The following DDX24 variants were observed in gnomAD, a reference collection of about 807,000 sequenced individuals.
DDX24 encodes the protein DEAD-box helicase 24.
Under a neutral mutation model 68.9 loss-of-function variants are expected in DDX24, and 24 were observed. The ratio of observed to expected loss-of-function variants is 0.35; its 90% CI spans 0.25 to 0.49. The LOEUF is 0.49. DDX24 is among the 20% of genes least tolerant of loss of function. The pLI, the probability that DDX24 is intolerant of heterozygous loss-of-function variation, is 0.99. For missense variants in DDX24, 989 were observed against 1,039.0 expected (o/e 0.95, Z 0.66); for synonymous variants, 395 against 385.2 (o/e 1.03, Z -0.30).
intron 6 of DDX24, 136 bp downstream of exon 6, chr14:94,057,686 T>C (rs1339825211): frequency 4.1e-6 from 3 of 736,076 alleles, no homozygotes; most frequent in East Asian, 5.8e-5. Context: ...GTGGGAGTAG[T>C]GGGCACTCGA....
rs1251640642 is a variant in DDX24 at position 94,053,079 on chromosome 14, A to G, written c.2227T>C (p.Phe743Leu). ...RQIEKSEYRN[F>L]QACLHNSWIE... ...CAAGAGTTGTGCAGGCAAGCCTGGA[A>G]GTTCCGATACTCAGATTTCTCAATC... Residue 743 changes from phenylalanine to leucine, a missense_variant, in exon 8 of 9, where the codon TTC becomes CTC. Physicochemically the swap from Phe to Leu is conservative, Grantham distance 22. Around this residue, in one of 3 missense-constraint regions of DDX24, gnomAD observed 691 missense variants for 760.0 expected, o/e 0.91. Coordinates refer to ENST00000621632, the MANE Select transcript of DDX24 (RefSeq NM_020414.4). 1 of 1,614,076 alleles carries G rather than the reference A, an allele frequency of 6.2e-7. No individual in the cohort carries two copies. The highest frequency in any genetic ancestry group is 8.5e-7 in the Non-Finnish European group (1 of 1,180,038).
chr14:94,053,173 C>G (rs924473424), intron 7 of DDX24, 46 bp from the exon 8 acceptor site: 1 of 1,611,920 alleles, frequency 6.2e-7, no homozygotes, highest in African/African-American at 1.3e-5. Flanking sequence ...AGAGTTCAGG[C>G]CTCTGGGAAG....
At chr14:94,053,841 AAAAT>A (rs1457437985) in intron 7 of DDX24, among the ~76,000 whole-genome samples, 9 of 152,142 alleles carry the variant, frequency 5.9e-5, no homozygotes, top group African/African-American at 1.4e-4. Flanking sequence ...TTAAAAATTA[AAAAT>A]AAATAAATAA....
At chr14:94,057,303 A>C (rs1301999852) in intron 6 of DDX24, 2 of 152,558 alleles carry the variant, frequency 1.3e-5, no homozygotes, top group African/African-American at 2.4e-5. Flanking sequence ...AGTTAACATG[A>C]GTAAGTGCTT....
At chr14:94,054,752 C>A (rs1192191338) in intron 7 of DDX24, among the ~76,000 whole-genome samples, 4 of 152,176 alleles carry the variant, frequency 2.6e-5, no homozygotes, top group African/African-American at 9.7e-5. Flanking sequence ...GGAGGGGGGA[C>A]TTCAGGGCCA....
At chr14:94,072,614 G>A (rs1885855049) in intron 2 of DDX24, among the ~76,000 whole-genome samples, 1 of 152,198 alleles carries the variant, frequency 6.6e-6, no homozygotes, top group Non-Finnish European at 1.5e-5. Context: ...CAGATTACTT[G>A]AGTTCAGGAG....
rs374838803 is a variant in DDX24, at chr14:94,062,568, A to G, written c.772T>C (p.Trp258Arg). 12 of 1,613,548 alleles carry G rather than the reference A, an allele frequency of 7.4e-6. No homozygotes were observed. The highest frequency in any genetic ancestry group is 6.7e-5 in the East Asian group (3 of 44,898). ...AIPMIHAVLQ[W>R]QKRNAAPPPS... Reference sequence around the variant, plus strand: ...GGAGGGGCAGCATTCCTCTTCTGCCACTGCAACACCGCATGAATCATTGGG... The same window carrying G: ...GGAGGGGCAGCATTCCTCTTCTGCCGCTGCAACACCGCATGAATCATTGGG... Residue 258 changes from tryptophan (W) to arginine (R), a missense_variant, in exon 3 of 9, where the codon TGG (tryptophan) becomes CGG (arginine). Coordinates refer to ENST00000621632, the MANE Select transcript of DDX24 (RefSeq NM_020414.4).
At chr14:94,067,363 C>T (rs567453917) in intron 2 of DDX24, among the ~76,000 whole-genome samples, 1 of 152,124 alleles carries the variant, frequency 6.6e-6, no homozygotes, top group South Asian at 2.1e-4. Flanking sequence ...ACCTAATAAT[C>T]GGTGTACCTG....
chr14:94,060,470 T>G lies in DDX24; in HGVS notation c.1541A>C (p.His514Pro), dbSNP rs770854738. 2.2e-5 allele frequency: 35 copies of G among 1,614,096 alleles called. No individual in the cohort carries two copies. Among genetic ancestry groups the G allele is most frequent in the Non-Finnish European group, 2.8e-5 (33 of 1,180,054 alleles). The part of the protein sequence containing the change: ...LVFSATLTLV[H>P]QAPARILHKK... ...ATGAAGGATTCGAGCAGGAGCCTGA[T>G]GCACCAGGGTGAGTGTGGCAGAAAA... Residue 514 changes from histidine (H) to proline (P), a missense_variant, in exon 5 of 9, where the codon CAT becomes CCT. Coordinates refer to ENST00000621632, the MANE Select transcript of DDX24 (RefSeq NM_020414.4).
rs1350510290 is a variant in DDX24 at position 94,051,304 on chromosome 14, G to A, written c.2467C>T (p.Pro823Ser). ...CTCAAAGCAGACTCGCTCTTACTTG[G>A]GGCAGACACAAGCAGGGGCGGCTTG... ...SGKPPLLVSAPSKSESALSCL... is the reference protein window; with the variant it reads ...SGKPPLLVSASSKSESALSCL... Residue 823 changes from proline (P) to serine (S), a missense_variant, in exon 9 of 9, where the codon CCA becomes TCA. Around this residue, in one of 3 missense-constraint regions of DDX24, gnomAD observed 691 missense variants for 760.0 expected, o/e 0.91. Coordinates refer to ENST00000621632, the MANE Select transcript of DDX24 (RefSeq NM_020414.4). The A allele has an allele frequency of 6.2e-7, 1 of 1,612,916 alleles. No homozygotes were observed. Among genetic ancestry groups the A allele is most frequent in the African/African-American group, 1.3e-5 (1 of 74,778 alleles).
chr14:94,066,169 G>A (rs75888069), intron 2 of DDX24, among the ~76,000 whole-genome samples: 169 of 152,296 alleles, frequency 1.1e-3, no homozygotes, highest in Non-Finnish European at 1.9e-3. Flanking sequence ...CACGGTGGGA[G>A]TAAGACTGCC....
Position 94,060,832 on chromosome 14 carries a change from G to A in DDX24, c.1397+81C>T, listed in dbSNP as rs1885582654. 7 of 1,565,842 alleles carry A rather than the reference G, an allele frequency of 4.5e-6. No homozygotes were observed. The South Asian group carries it at 4.8e-5, about 11-fold the overall frequency. ...ACACCATAGCATTCTGCGATGAGAA[G>A]AAGGCATTGCCCACACCATGTCACC... On this transcript the variant is annotated intron_variant, in intron 4 of 8. Transcript: ENST00000621632.
intron 2 of DDX24, among the ~76,000 whole-genome samples, chr14:94,067,455 T>C (rs1042908670): frequency 2.0e-5 from 3 of 152,166 alleles, no homozygotes; most frequent in Non-Finnish European, 2.9e-5. Flanking sequence ...GCTAGAGACC[T>C]AGATATCCAA....
chr14:94,056,522 A>G (rs1430595609), intron 6 of DDX24: 1 of 152,226 alleles, frequency 6.6e-6, no homozygotes, highest in African/African-American at 2.4e-5. Flanking sequence ...TGGCAACTCC[A>G]TGCTCCTTCC....
At chr14:94,074,404 A>G (rs1176168137) in intron 2 of DDX24, among the ~76,000 whole-genome samples, 1 of 152,248 alleles carries the variant, frequency 6.6e-6, no homozygotes, top group African/African-American at 2.4e-5. Context: ...CCAGGAATGT[A>G]AGTCTAATTT....
chr14:94,063,700 G>A (rs893929166), intron 2 of DDX24, among the ~76,000 whole-genome samples: 14 of 151,986 alleles, frequency 9.2e-5, no homozygotes, highest in East Asian at 3.9e-4. Context: ...AGGTCTAGGC[G>A]GGAGGATCAA....
chr14:94,073,870 T>C (rs919231490), intron 2 of DDX24, among the ~76,000 whole-genome samples: 18 of 151,702 alleles, frequency 1.2e-4, no homozygotes, highest in African/African-American at 3.9e-4. Context: ...GGTGAAACCC[T>C]GTCTCTACTA....
At chr14:94,056,825 C>G (rs1252854393) in intron 6 of DDX24, 2 of 152,102 alleles carry the variant, frequency 1.3e-5, no homozygotes, top group Non-Finnish European at 2.9e-5. Flanking sequence ...GTGGCTGCTG[C>G]TTGATATGTG....
intron 1 of DDX24, among the ~76,000 whole-genome samples, chr14:94,079,999 T>G (rs1352069659): frequency 1.7e-4 from 26 of 152,230 alleles, no homozygotes; most frequent in Non-Finnish European, 1.5e-5. Flanking sequence ...ATCCAACACT[T>G]ACTGCCTGTG....
Sources: gnomAD v4.1 joint callset for allele counts (sites outside exome capture counted in the v4.1 genomes callset) on GRCh38, gnomAD v4.1.1 for gene constraint, gnomAD v4.1.1 regional missense constraint, MANE v1.5 for transcripts, NCBI Gene and HGNC (gene_info 2026-07-23, HGNC 2026-07-21) for gene names.